The following NPTX2 variants were observed in gnomAD, a reference collection of about 807,000 sequenced individuals.
The protein encoded by NPTX2 is neuronal pentraxin 2.
A neutral mutation model predicts 38.1 loss-of-function variants in NPTX2; 23 were observed. The ratio of observed to expected loss-of-function variants is 0.60; its 90% CI spans 0.43 to 0.85. The LOEUF (loss-of-function observed/expected upper bound fraction) is 0.85, where lower values mean the gene tolerates loss of function less well. NPTX2 is among the 40% of genes least tolerant of loss of function. NPTX2 has a pLI of 0.00. For synonymous variants in NPTX2, 291 were observed against 287.3 expected (o/e 1.01, Z -0.13); for missense variants, 553 against 615.3 (o/e 0.90, Z 1.07).
At chr7:98,624,027 C>T (rs1187896006) in intron 2 of NPTX2, among the ~76,000 whole-genome samples, 1 of 152,204 alleles carries the variant, frequency 6.6e-6, no homozygotes, top group Non-Finnish European at 1.5e-5. Context: ...GTGATGCAAT[C>T]ATAGCTCACT....
At chr7:98,627,409 G>A (rs953075396) in intron 4 of NPTX2, 65 bp downstream of exon 4, 37 of 1,394,168 alleles carry the variant, frequency 2.7e-5, no homozygotes, top group African/African-American at 2.5e-4. Context: ...GTGGCCGTGC[G>A]CCCTTTCAGG....
At chr7:98,620,039 C>A in intron 2 of NPTX2, 180 bp downstream of exon 2, 1 of 625,356 alleles carries the variant, frequency 1.6e-6, no homozygotes, top group Non-Finnish European at 2.8e-6. Flanking sequence ...AGCTGCCAGC[C>A]CCACTGGCAT....
chr7:98,619,315 T>C (rs1791232384), intron 1 of NPTX2, among the ~76,000 whole-genome samples: 1 of 152,136 alleles, frequency 6.6e-6, no homozygotes, highest in Admixed American at 6.5e-5. Flanking sequence ...AAAAAAATCC[T>C]GGAGCTGAGT....
chr7:98,622,387 C>G (rs538594681), intron 2 of NPTX2, among the ~76,000 whole-genome samples: 1 of 152,222 alleles, frequency 6.6e-6, no homozygotes, highest in Admixed American at 6.5e-5. Context: ...ATTACCCACA[C>G]GGAGTCGTAT....
intron 2 of NPTX2, among the ~76,000 whole-genome samples, chr7:98,622,563 G>C (rs1249426689): frequency 2.0e-5 from 3 of 152,220 alleles, no homozygotes; most frequent in Non-Finnish European, 2.9e-5. Flanking sequence ...TTCACTAGCT[G>C]TGTGACCTTG....
At position 98,617,432 on chromosome 7, in the gene NPTX2, T is replaced by C. The variant is rs1268218820; in HGVS notation, c.-30T>C. On this transcript the variant is annotated 5_prime_UTR_variant, in exon 1 of 5. The change abolishes an upstream ATG in the 5' untranslated region. Transcript: ENST00000265634. The stretch of plus-strand genomic sequence containing the variant: ...CGCCCCGACGGCGCCCGCTCGCCCA[T>C]GCCGAGCTGAGCGCGGCAGCGGCGG... The C allele has an allele frequency of 2.4e-6, 2 of 833,688 alleles. No homozygotes were observed. The highest frequency in any genetic ancestry group is 1.8e-5 in the African/African-American group (1 of 55,584). The allele number at this position is 833,688 out of a possible 1,614,324, so 51.6% of individuals were successfully genotyped here.
At chr7:98,619,954 T>A in intron 2 of NPTX2, 95 bp downstream of exon 2, 1 of 1,070,726 alleles carries the variant, frequency 9.3e-7, no homozygotes, top group Non-Finnish European at 1.4e-6. Flanking sequence ...GCAGGGATTG[T>A]GACACCACAT....
At chr7:98,622,732 G>C (rs543699220) in intron 2 of NPTX2, among the ~76,000 whole-genome samples, 1 of 152,192 alleles carries the variant, frequency 6.6e-6, no homozygotes, top group South Asian at 2.1e-4. Flanking sequence ...TGACTTCTTC[G>C]GGGAGCAGGT....
Position 98,617,567 on chromosome 7 carries a change from G to GCGGTGCACGCCGGCTGCC in NPTX2, c.109_126dup (p.Val37_Pro42dup). ...CGTGTGCACGGCACTGCCCCCAGAG[G>GCGGTGCACGCCGGCTGCC]CGGTGCACGCCGGCTGCCCGCTGCC... On this transcript the variant is annotated inframe_insertion, in exon 1 of 5. Transcript: ENST00000265634. 3 of 1,479,450 alleles carry GCGGTGCACGCCGGCTGCC rather than the reference G, an allele frequency of 2.0e-6. No homozygotes were observed. The highest frequency in any genetic ancestry group is 2.7e-6 in the Non-Finnish European group (3 of 1,122,256). 91.6% of individuals were successfully genotyped at this position (1,479,450 alleles called of 1,614,324 possible).
Position 98,619,630 on chromosome 7 carries a change from C to CGGT in NPTX2, c.427-10_427-8dup. ...TCTTTCTGTGCCCCTCCCTCCTCCC[C>CGGT]GGTGGCTGAAAGCACCAGCTCAGAG... On this transcript the variant is annotated splice_polypyrimidine_tract_variant and intron_variant, in intron 1 of 4. Transcript: ENST00000265634. 6.2e-7 allele frequency: 1 copy of CGGT among 1,601,830 alleles called. No homozygotes were observed. Among genetic ancestry groups the CGGT allele is most frequent in the Non-Finnish European group, 8.5e-7 (1 of 1,170,302 alleles).
intron 2 of NPTX2, 143 bp from the exon 3 acceptor site, chr7:98,624,779 G>T (rs898290555): frequency 1.1e-6 from 1 of 914,752 alleles, no homozygotes; most frequent in Non-Finnish European, 1.7e-6. Flanking sequence ...GGTGTGGAGC[G>T]GTCTTTGGTC....
chr7:98,617,666 A>G lies in NPTX2; in HGVS notation c.205A>G (p.Thr69Ala), dbSNP rs990902631. Reference sequence around the variant, plus strand: ...GGCCGCGGTGCTGCAGCTGCGCGAGACCGTCGTGCAGCAGAAGGAGACGCT... The same window carrying G: ...GGCCGCGGTGCTGCAGCTGCGCGAGGCCGTCGTGCAGCAGAAGGAGACGCT... ...LRAAVLQLRETVVQQKETLGA... is the reference protein window; with the variant it reads ...LRAAVLQLREAVVQQKETLGA... Residue 69 changes from threonine (T) to alanine (A), a missense_variant, in exon 1 of 5, where the codon ACC becomes GCC. Coordinates refer to ENST00000265634, the MANE Select transcript of NPTX2 (RefSeq NM_002523.3). 4.1e-6 allele frequency: 6 copies of G among 1,479,088 alleles called. No homozygotes were observed. The highest frequency in any genetic ancestry group is 2.9e-5 in the African/African-American group (2 of 67,962). The allele number at this position is 1,479,088 out of a possible 1,614,324, so 91.6% of individuals were successfully genotyped here.
At chr7:98,627,390 G>C (rs1358791888) in intron 4 of NPTX2, 46 bp downstream of exon 4, 5 of 1,552,414 alleles carry the variant, frequency 3.2e-6, no homozygotes, top group Middle Eastern at 3.5e-4. Flanking sequence ...GGTGCAGGAT[G>C]GGCACAGGGT....
Position 98,627,357 on chromosome 7 carries a change from C to T in NPTX2, c.1068+13C>T. 1 of 1,610,206 alleles carries T rather than the reference C, an allele frequency of 6.2e-7. No individual in the cohort carries two copies. The highest frequency in any genetic ancestry group is 8.5e-7 in the Non-Finnish European group (1 of 1,178,132). ...TGGACAAGAGCAGGTGGGTGCAGGG[C>T]AGGTGCAGGTGGGCACAGGGTGGGT... On this transcript the variant is annotated intron_variant, in intron 4 of 4. Coordinates refer to ENST00000265634, the MANE Select transcript of NPTX2 (RefSeq NM_002523.3).
At chr7:98,626,173 C>A (rs1791346602) in intron 3 of NPTX2, among the ~76,000 whole-genome samples, 1 of 149,650 alleles carries the variant, frequency 6.7e-6, no homozygotes, top group South Asian at 2.1e-4. Flanking sequence ...AAAAAAAGGC[C>A]ACTTTGGGCC....
intron 3 of NPTX2, 89 bp from the exon 4 acceptor site, chr7:98,627,076 G>C: frequency 1.2e-6 from 1 of 811,228 alleles, no homozygotes; most frequent in East Asian, 2.5e-5. Context: ...GGCCCAGGGG[G>C]ACTGTGGGGT....
At chr7:98,626,920 G>A (rs1791359604) in intron 3 of NPTX2, among the ~76,000 whole-genome samples, 3 of 152,210 alleles carry the variant, frequency 2.0e-5, no homozygotes. Context: ...TGGGGGTGTT[G>A]ACCCTCACAT....
In NPTX2 at chr7:98,628,582, T is replaced by G. The variant is rs1368226346; in HGVS notation, c.1249T>G (p.Ser417Ala). The G allele has an allele frequency of 6.2e-7, 1 of 1,602,554 alleles. No homozygotes were observed. Among genetic ancestry groups the G allele is most frequent in the African/African-American group, 1.3e-5 (1 of 74,726 alleles). The change falls in exon 5 of 5, where the codon TCC (serine) becomes GCC (alanine). Residue 417 changes from serine (S) to alanine (A), a missense_variant. Physicochemically the swap from Ser to Ala is moderately conservative, Grantham distance 99. Transcript: ENST00000265634. The part of the protein sequence containing the change: ...DNNVDVFGGA[S>A]KWPVETCEER... ...TAACGTCGATGTGTTCGGAGGGGCC[T>G]CCAAGTGGCCCGTGGAGACGTGTGA...
rs769298573 is a variant in NPTX2 at position 98,628,484 on chromosome 7, G to T, written c.1151G>T (p.Arg384Leu). 1 of 1,611,468 alleles carries T rather than the reference G, an allele frequency of 6.2e-7. No homozygotes were observed. Among genetic ancestry groups the T allele is most frequent in the Admixed American group, 1.7e-5 (1 of 59,848 alleles). ...SQFNIWDRVL[R>L]AQEIVNIANC... is the part of the protein sequence containing the mutation. ...TTCAACATATGGGACCGCGTCCTTC[G>T]CGCACAAGAAATTGTCAACATCGCC... is the stretch of plus-strand genomic sequence containing the variant. Residue 384 changes from arginine (R) to leucine (L), a missense_variant, in exon 5 of 5, where the codon CGC (arginine) becomes CTC (leucine). Arg to Leu is a moderately radical substitution (Grantham distance 102). Transcript: ENST00000265634.
Sources: allele counts gnomAD v4.1 joint callset (sites outside exome capture counted in the v4.1 genomes callset), GRCh38; gene constraint gnomAD v4.1.1; transcripts MANE v1.5; gene names NCBI Gene and HGNC (gene_info 2026-07-23, HGNC 2026-07-21).